Variants in SLC9A9 observed in about 807,000 individuals in gnomAD.
SLC9A9 encodes the protein sodium/hydrogen exchanger 9.
SLC9A9 carries 62 observed loss-of-function variants against 77.8 expected under a neutral mutation model. That is an observed-to-expected ratio of 0.80 (90% confidence interval 0.65 to 0.98). The LOEUF is 0.98. Among genes scored for constraint, SLC9A9 ranks in the 50% least tolerant of loss-of-function variants. The pLI is 0.00. For missense variants in SLC9A9, 775 were observed against 774.9 expected, an observed-to-expected ratio of 1.00 and a Z score of 0.00; for synonymous variants, 320 against 283.5, an observed-to-expected ratio of 1.13 and a Z score of -1.29.
chr3:143,415,468 A>G (rs1475152902), intron 12 of SLC9A9, among the ~76,000 whole-genome samples: 2 of 152,252 alleles, frequency 1.3e-5, no homozygotes, highest in Non-Finnish European at 2.9e-5. Flanking sequence ...TGAAAATCCT[A>G]GGGCCATTAA....
chr3:143,790,216 A>C (rs1356446207), intron 4 of SLC9A9, among the ~76,000 whole-genome samples: 1 of 152,190 alleles, frequency 6.6e-6, no homozygotes, highest in South Asian at 2.1e-4. Flanking sequence ...AGGCCTCCCC[A>C]GCCATGCGGA....
intron 4 of SLC9A9, among the ~76,000 whole-genome samples, chr3:143,751,007 C>A (rs1459541751): frequency 6.6e-6 from 1 of 152,130 alleles, no homozygotes; most frequent in African/African-American, 2.4e-5. Context: ...GCTGGCTCTC[C>A]CCTCTCCAGC....
chr3:143,390,064 C>T (rs2033522752), intron 12 of SLC9A9, among the ~76,000 whole-genome samples: 1 of 152,218 alleles, frequency 6.6e-6, no homozygotes, highest in Non-Finnish European at 1.5e-5. Flanking sequence ...CATTTTTCTA[C>T]CCCTGGGACT....
chr3:143,455,491 G>A (rs2035075023), intron 12 of SLC9A9, among the ~76,000 whole-genome samples: 1 of 152,026 alleles, frequency 6.6e-6, no homozygotes, highest in African/African-American at 2.4e-5. Flanking sequence ...TGAAATCTCT[G>A]GATCAATTTA....
At position 143,395,494 on chromosome 3, in the gene SLC9A9, C is replaced by T. The variant is rs182025510; in HGVS notation, c.1470-13380G>A. Among the ~76,000 whole-genome samples the T allele has an allele frequency of 2.0e-3, 302 of 152,196 alleles. 3 individuals are homozygous for T. Among genetic ancestry groups the T allele is most frequent in the African/African-American group, 6.7e-3 (280 of 41,510 alleles). On this transcript the variant is annotated intron_variant, in intron 12 of 15. Transcript: ENST00000316549. The stretch of plus-strand genomic sequence containing the variant: ...ATGTTAGACCTAAAACCATAAAAAC[C>T]CTAGAAGAAAACCTAGGCAATACCA...
At chr3:143,711,910 G>A (rs922661961) in intron 4 of SLC9A9, among the ~76,000 whole-genome samples, 3 of 152,106 alleles carry the variant, frequency 2.0e-5, no homozygotes, top group African/African-American at 7.2e-5. Flanking sequence ...GAGCTACATG[G>A]GGCTAATTCT....
intron 11 of SLC9A9, among the ~76,000 whole-genome samples, chr3:143,488,929 T>C (rs2035697023): frequency 6.6e-6 from 1 of 151,868 alleles, no homozygotes; most frequent in African/African-American, 2.4e-5. Flanking sequence ...GTATTCAAAC[T>C]GAAAAAGAAG....
At chr3:143,364,364 C>T (rs1426613023) in intron 13 of SLC9A9, among the ~76,000 whole-genome samples, 1 of 151,970 alleles carries the variant, frequency 6.6e-6, no homozygotes, top group East Asian at 1.9e-4. Flanking sequence ...TGTAATTATC[C>T]TTATCATTAA....
intron 9 of SLC9A9, chr3:143,517,496 C>T (rs766242877): frequency 3.3e-5 from 53 of 1,597,658 alleles, no homozygotes; most frequent in East Asian, 4.5e-5. Context: ...TTTGATCTCT[C>T]GCTCTTCACG....
At chr3:143,374,443 A>AG (rs1358082559) in intron 13 of SLC9A9, among the ~76,000 whole-genome samples, 3 of 150,342 alleles carry the variant, frequency 2.0e-5, no homozygotes, top group Non-Finnish European at 4.4e-5. Flanking sequence ...AAAAAAAAAA[A>AG]AAAGAAAAAA....
intron 2 of SLC9A9, 29 bp from the exon 3 acceptor site, chr3:143,796,932 G>C (rs758634469): frequency 6.5e-7 from 1 of 1,541,014 alleles, no homozygotes; most frequent in Non-Finnish European, 9.0e-7. Flanking sequence ...AGGATAGTTA[G>C]AATGATGCTC....
chr3:143,493,946 C>T (rs941888007), intron 10 of SLC9A9, among the ~76,000 whole-genome samples, 182 bp from the exon 11 acceptor site: 8 of 152,212 alleles, frequency 5.3e-5, no homozygotes, highest in African/African-American at 1.9e-4. Context: ...CAAGTTCTTC[C>T]CAGAAATAAT....
intron 14 of SLC9A9, among the ~76,000 whole-genome samples, chr3:143,309,132 C>G (rs2030924992): frequency 6.6e-6 from 1 of 152,166 alleles, no homozygotes; most frequent in African/African-American, 2.4e-5. Flanking sequence ...CAAAGAGTCT[C>G]TACTTCCAAC....
intron 6 of SLC9A9, among the ~76,000 whole-genome samples, chr3:143,591,516 C>T (rs1017423451): frequency 6.6e-6 from 1 of 151,730 alleles, no homozygotes; most frequent in African/African-American, 2.4e-5. Context: ...ATTAGCTCTT[C>T]AGGACATGGC....
intron 2 of SLC9A9, among the ~76,000 whole-genome samples, chr3:143,808,147 T>A (rs1310297264): frequency 6.6e-6 from 1 of 152,226 alleles, no homozygotes; most frequent in African/African-American, 2.4e-5. Context: ...AAGCCTAAGG[T>A]CAAATGCCTG....
At chr3:143,679,400 A>T (rs952701722) in intron 5 of SLC9A9, among the ~76,000 whole-genome samples, 8 of 152,180 alleles carry the variant, frequency 5.3e-5, no homozygotes, top group Non-Finnish European at 7.3e-5. Context: ...CTTCTCCCTT[A>T]GGGCCTAAAC....
rs2108903884 is a variant in SLC9A9, at chr3:143,848,319, C to T, written c.4G>A (p.Glu2Lys). Residue 2 changes from glutamate to lysine, a missense_variant, in exon 1 of 16, where the codon GAG (glutamate) becomes AAG (lysine). By Grantham distance (56) the Glu-to-Lys change is moderately conservative. Coordinates refer to ENST00000316549, the MANE Select transcript of SLC9A9 (RefSeq NM_173653.4). M[E>K]RQSRVMSEKD... is the part of the protein sequence containing the mutation. ...TCTGACATAACCCTTGACTGTCTCT[C>T]CATTCCCCAGTCTTCTTGGGATTCC... 6.2e-7 allele frequency: 1 copy of T among 1,613,972 alleles called. No individual in the cohort carries two copies. The highest frequency in any genetic ancestry group is 2.2e-5 in the East Asian group (1 of 44,886).
At chr3:143,735,201 G>A (rs190690705) in intron 4 of SLC9A9, among the ~76,000 whole-genome samples, 21 of 152,182 alleles carry the variant, frequency 1.4e-4, no homozygotes, top group East Asian at 3.9e-4. Flanking sequence ...GAAAGCAATC[G>A]TTGAGAATCA....
intron 4 of SLC9A9, among the ~76,000 whole-genome samples, chr3:143,726,247 A>G (rs1308413732): frequency 2.8e-5 from 2 of 71,592 alleles, no homozygotes; most frequent in African/African-American, 1.1e-4. Context: ...TGGAAATAAA[A>G]AAAGAAAAAA....
Sources: allele counts gnomAD v4.1 joint callset (sites outside exome capture counted in the v4.1 genomes callset), GRCh38; gene constraint gnomAD v4.1.1; transcripts MANE v1.5; gene names NCBI Gene and HGNC (gene_info 2026-07-23, HGNC 2026-07-21).